Variants in FARP2 observed in about 807,000 individuals in gnomAD.
The protein encoded by FARP2 is FERM, ARHGEF and pleckstrin domain-containing protein 2.
In FARP2, 111 loss-of-function variants were observed where a neutral mutation model predicts 130.5. The ratio of observed to expected loss-of-function variants is 0.85; its 90% CI spans 0.73 to 1.00. The LOEUF is 1.00. Ranked by LOEUF, FARP2 falls within the 50% of genes least tolerant of loss-of-function variation. The pLI, the probability that FARP2 is intolerant of heterozygous loss-of-function variation, is 0.00. For missense variants in FARP2, 1,385 were observed against 1,346.3 expected, an observed-to-expected ratio of 1.03 and a Z score of -0.45; for synonymous variants, 504 against 516.9, an observed-to-expected ratio of 0.98 and a Z score of 0.34.
intron 12 of FARP2, 78 bp from the exon 13 acceptor site, chr2:241,441,226 G>A: frequency 1.4e-6 from 2 of 1,392,048 alleles, no homozygotes; most frequent in South Asian, 1.4e-5. Context: ...CCCTAAGTTA[G>A]GCCAGGTGGC....
rs925318698 is a variant in FARP2 at position 241,492,852 on chromosome 2, G to GTCTT, written c.2788-76_2788-73dup. 14 of 819,716 alleles carry GTCTT rather than the reference G, an allele frequency of 1.7e-5. No homozygotes were observed. In the African/African-American group the frequency reaches 2.2e-4, roughly 13 times the overall value. The allele number at this position is 819,716 out of a possible 1,614,324, so 50.8% of individuals were successfully genotyped here. A position where few individuals can be genotyped will look rare whatever the true frequency, so the allele number is the denominator to read the frequency against. On this transcript the variant is annotated intron_variant, in intron 24 of 26. Transcript: ENST00000264042. ...GCTGGAGAAAGCATGCAGAGGCTTA[G>GTCTT]TCTTGGGGAGCAAACCCACTCCCAC...
intron 17 of FARP2, 41 bp downstream of exon 17, chr2:241,464,021 A>T (rs373319715): frequency 6.5e-7 from 1 of 1,541,068 alleles, no homozygotes; most frequent in Non-Finnish European, 9.0e-7. Flanking sequence ...AATGCTGTTT[A>T]TGGGAGCAAA....
intron 17 of FARP2, chr2:241,466,304 AAG>A (rs2064167849): frequency 2.0e-6 from 2 of 985,296 alleles, no homozygotes; most frequent in African/African-American, 3.5e-5. Flanking sequence ...TTGTCTTGGA[AAG>A]AGGGGCCCTT....
intron 7 of FARP2, 46 bp downstream of exon 7, chr2:241,413,467 G>A (rs1461245371): frequency 7.9e-7 from 1 of 1,270,476 alleles, no homozygotes; most frequent in Admixed American, 1.9e-5. Flanking sequence ...CCACAGTAAT[G>A]ACTAAAGAGT....
intron 18 of FARP2, 59 bp downstream of exon 18, chr2:241,468,436 G>T (rs1046159280): frequency 2.2e-6 from 3 of 1,383,346 alleles, no homozygotes; most frequent in Non-Finnish European, 2.0e-6. Flanking sequence ...GGAGGCAGGG[G>T]CGGCTTTGCC....
chr2:241,458,097 C>A (rs1306308370), intron 14 of FARP2, among the ~76,000 whole-genome samples: 1 of 152,140 alleles, frequency 6.6e-6, no homozygotes, highest in East Asian at 1.9e-4. Flanking sequence ...GCTGTGGCCT[C>A]AGGGTGGCCT....
At chr2:241,489,731 G>A (rs943472039) in intron 21 of FARP2, 45 of 425,872 alleles carry the variant, frequency 1.1e-4, no homozygotes, top group East Asian at 8.2e-4. Context: ...TGGACCCCCC[G>A]GTGAGTATTT....
chr2:241,398,758 G>A lies in FARP2; in HGVS notation c.184-5070G>A, dbSNP rs544750788. 7.9e-5 allele frequency among the ~76,000 whole-genome samples: 12 copies of A among 152,082 alleles called. No individual in the cohort carries two copies. In the East Asian group the frequency reaches 2.3e-3, roughly 29 times the overall value. The stretch of plus-strand genomic sequence containing the variant: ...TAATTTTTGTATTTTTAATAGAGAT[G>A]GGGTTTCACCATGTTGATCAGGCTG... On this transcript the variant is annotated intron_variant, in intron 2 of 26. Coordinates refer to ENST00000264042, the MANE Select transcript of FARP2 (RefSeq NM_014808.4).
At chr2:241,457,156 G>A (rs536906135) in intron 14 of FARP2, among the ~76,000 whole-genome samples, 13 of 152,284 alleles carry the variant, frequency 8.5e-5, no homozygotes, top group African/African-American at 3.1e-4. Flanking sequence ...GTACAAAAAC[G>A]AGTTTCCTTA....
chr2:241,368,632 A>G (rs768079353), intron 1 of FARP2, among the ~76,000 whole-genome samples: 2 of 152,036 alleles, frequency 1.3e-5, no homozygotes, highest in Non-Finnish European at 1.5e-5. Flanking sequence ...GTATTCTATT[A>G]ATGTATTTTT....
At chr2:241,442,402 G>A (rs1207041900) in intron 13 of FARP2, 1 of 456,476 alleles carries the variant, frequency 2.2e-6, no homozygotes, top group Non-Finnish European at 4.4e-6. Context: ...TGAAACCGAG[G>A]CCCCCCTAGA....
intron 2 of FARP2, among the ~76,000 whole-genome samples, chr2:241,376,046 T>C (rs952188760): frequency 1.3e-5 from 2 of 152,160 alleles, no homozygotes; most frequent in African/African-American, 4.8e-5. Context: ...ATCCCAAACA[T>C]GGAGCTTAAA....
At chr2:241,447,348 T>A (rs912098627) in intron 13 of FARP2, among the ~76,000 whole-genome samples, 1 of 152,156 alleles carries the variant, frequency 6.6e-6, no homozygotes, top group African/African-American at 2.4e-5. Context: ...TGGGTGATGA[T>A]GTCTGTGGAA....
chr2:241,356,512 G>C (rs2061069286), intron 1 of FARP2, 124 bp downstream of exon 1: 1 of 152,402 alleles, frequency 6.6e-6, no homozygotes, highest in Non-Finnish European at 1.5e-5. Flanking sequence ...GTCCACCAGA[G>C]ATGGTCCCGC....
In FARP2 at chr2:241,434,249, T is replaced by C. The variant is rs764893994; in HGVS notation, c.959T>C (p.Phe320Ser). 6.2e-7 allele frequency: 1 copy of C among 1,614,058 alleles called. No individual in the cohort carries two copies. The highest frequency in any genetic ancestry group is 2.2e-5 in the East Asian group (1 of 44,876). ...ATTTGTGTGGAGTATCACACCTTTT[T>C]TAGACTTTTGGACCAACCTAAGCCA... is the stretch of plus-strand genomic sequence containing the variant. The part of the protein sequence containing the change: ...WKICVEYHTF[F>S]RLLDQPKPKA... Residue 320 changes from phenylalanine (F) to serine (S), a missense_variant, in exon 10 of 27, where the codon TTT becomes TCT. Transcript: ENST00000264042.
chr2:241,395,288 C>T (rs764965622), intron 2 of FARP2, among the ~76,000 whole-genome samples: 3 of 152,118 alleles, frequency 2.0e-5, no homozygotes, highest in Non-Finnish European at 4.4e-5. Flanking sequence ...GCTGTTGGTA[C>T]TGTTTTAGAG....
Position 241,459,796 on chromosome 2 carries a change from C to T in FARP2, c.1588-2727C>T, listed in dbSNP as rs914366461. Reference sequence around the variant, plus strand: ...TTTTCTGTCCCTGAGAGTCTTCTCACGGTATTCCTTGGGCTGATTGGGCGG... The same window carrying T: ...TTTTCTGTCCCTGAGAGTCTTCTCATGGTATTCCTTGGGCTGATTGGGCGG... On this transcript the variant is annotated intron_variant, in intron 14 of 26. Coordinates refer to ENST00000264042, the MANE Select transcript of FARP2 (RefSeq NM_014808.4). This position sits in a 1 kb window ranked among gnomAD's most constrained non-coding sequence, Gnocchi z 5.3. Among the ~76,000 whole-genome samples the T allele has an allele frequency of 2.7e-5, 3 of 110,162 alleles. No homozygotes were observed. The highest frequency in any genetic ancestry group is 5.0e-5 in the Non-Finnish European group (3 of 59,972). 72.3% of individuals were successfully genotyped at this position (110,162 alleles called of 152,430 possible).
At chr2:241,473,836 C>T (rs1029409934) in intron 18 of FARP2, among the ~76,000 whole-genome samples, 3 of 152,220 alleles carry the variant, frequency 2.0e-5, no homozygotes, top group African/African-American at 7.2e-5. Flanking sequence ...CTGCCAAGAC[C>T]TATGCTGGCT....
intron 2 of FARP2, chr2:241,386,717 T>G (rs1259235629): frequency 6.6e-6 from 1 of 152,234 alleles, no homozygotes; most frequent in Non-Finnish European, 1.5e-5. Context: ...GCTGGCCACC[T>G]TGGTTCCCAC....
Sources: allele counts gnomAD v4.1 joint callset (sites outside exome capture counted in the v4.1 genomes callset), GRCh38; gene constraint gnomAD v4.1.1; non-coding constraint Gnocchi (gnomAD v3.1); transcripts MANE v1.5; gene names NCBI Gene and HGNC (gene_info 2026-07-23, HGNC 2026-07-21).